SASH1: variants seen among roughly 807,000 people sequenced by gnomAD.
The protein encoded by SASH1 is SAM and SH3 domain-containing protein 1.
A neutral mutation model predicts 125.2 loss-of-function variants in SASH1; 44 were observed. That is an observed-to-expected ratio of 0.35 (90% CI 0.28 to 0.45). The LOEUF is 0.45. SASH1 is among the 20% of genes least tolerant of loss of function. The pLI is 1.00. For missense variants in SASH1, 1,426 were observed against 1,614.5 expected, an observed-to-expected ratio of 0.88 and a Z score of 2.00; for synonymous variants, 639 against 649.1, an observed-to-expected ratio of 0.98 and a Z score of 0.24.
chr6:148,267,399 G>GTGT (rs55909678), upstream of SASH1, among the ~76,000 whole-genome samples: 1 of 142,074 alleles, frequency 7.0e-6, no homozygotes, highest in Non-Finnish European at 1.6e-5. Flanking sequence ...GTGTGTGTGA[G>GTGT]ATGGAGTCTC....
intron 1 of SASH1, among the ~76,000 whole-genome samples, chr6:148,360,845 A>AT (rs1214323474): frequency 3.9e-5 from 6 of 151,940 alleles, no homozygotes; most frequent in South Asian, 4.2e-4. Flanking sequence ...TTGTGGGTTG[A>AT]TTTTTTTTCC....
intron 12 of SASH1, among the ~76,000 whole-genome samples, chr6:148,530,356 A>G (rs1210713894): frequency 6.6e-6 from 1 of 152,202 alleles, no homozygotes; most frequent in Non-Finnish European, 1.5e-5. Context: ...TTTAATGGGA[A>G]AAAAGTTACT....
intron 1 of SASH1, among the ~76,000 whole-genome samples, chr6:148,361,673 C>A (rs1229219148): frequency 6.6e-6 from 1 of 152,030 alleles, no homozygotes; most frequent in Admixed American, 6.6e-5. Flanking sequence ...CAGCCCTACA[C>A]CTTGGCCAGT....
intron 1 of SASH1, among the ~76,000 whole-genome samples, chr6:148,293,570 G>A (rs903027363): frequency 2.6e-5 from 4 of 152,172 alleles, no homozygotes; most frequent in Admixed American, 2.0e-4. Context: ...CCCAGGCAGC[G>A]TGGGCAGAGT....
intron 4 of SASH1, among the ~76,000 whole-genome samples, chr6:148,449,074 A>AGTTCTTTTTTTTTTTT (rs1776949754): frequency 3.1e-5 from 1 of 32,746 alleles, no homozygotes; most frequent in African/African-American, 1.3e-4. Context: ...ATTTCATTTC[A>AGTTCTTTTTTTTTTTT]TTTCTTTTTT....
chr6:148,386,372 G>C (rs1783369159), intron 1 of SASH1, among the ~76,000 whole-genome samples: 1 of 152,194 alleles, frequency 6.6e-6, no homozygotes, highest in Non-Finnish European at 1.5e-5. Flanking sequence ...GTCTTGGTTA[G>C]TCCAAGACGA....
chr6:148,440,488 A>G (rs1019506339), intron 4 of SASH1, 81 bp downstream of exon 4: 1 of 1,169,346 alleles, frequency 8.6e-7, no homozygotes, highest in Admixed American at 1.7e-5. Context: ...CAAACAGGCG[A>G]TCATGTGCGT....
At chr6:148,445,279 G>A (rs964109035) in intron 4 of SASH1, among the ~76,000 whole-genome samples, 3 of 152,116 alleles carry the variant, frequency 2.0e-5, no homozygotes, top group Non-Finnish European at 2.9e-5. Flanking sequence ...AGCCCAGCAG[G>A]TCTCAGCCTT....
At chr6:148,398,560 G>A (rs1400376351) in intron 2 of SASH1, among the ~76,000 whole-genome samples, 1 of 152,182 alleles carries the variant, frequency 6.6e-6, no homozygotes, top group Admixed American at 6.5e-5. Flanking sequence ...TAGAAACACA[G>A]AAGACTTATG....
Position 148,471,412 on chromosome 6 carries a change from T to TG in SASH1, c.428-5_428-4insG. 1 of 1,098,574 alleles carries TG rather than the reference T, an allele frequency of 9.1e-7. No homozygotes were observed. The allele number at this position is 1,098,574 out of a possible 1,614,324, so 68.1% of individuals were successfully genotyped here. Reference sequence around the variant, plus strand: ...TTTTTTTTTTTTTTTTTTTTTTTTTTTAAGGAAAAGGAGACTGGAAGAAGA... The same window carrying TG: ...TTTTTTTTTTTTTTTTTTTTTTTTTTGTAAGGAAAAGGAGACTGGAAGAAGA... On this transcript the variant is annotated splice_region_variant and splice_polypyrimidine_tract_variant and intron_variant, in intron 5 of 19. Transcript: ENST00000367467.
At chr6:148,257,997 C>A in the SASH1 span, among the ~76,000 whole-genome samples, 1 of 152,130 alleles carries the variant, frequency 6.6e-6, no homozygotes, top group Non-Finnish European at 1.5e-5. Context: ...TACTTTTATA[C>A]CTGCACTCCC....
At position 148,468,746 on chromosome 6, in the gene SASH1, TA is replaced by T. The variant is rs576009342; in HGVS notation, c.427+168del. ...TTATTCTCCTTTTTCTAGGCAGTTTTAAAAAAATATAATTGTGATCATATTC... is the reference window on the plus strand; with the variant it reads ...TTATTCTCCTTTTTCTAGGCAGTTTTAAAAAATATAATTGTGATCATATTC... On this transcript the variant is annotated intron_variant, in intron 5 of 19. Transcript: ENST00000367467. The T allele has an allele frequency of 5.8e-4, 315 of 540,662 alleles. 1 individual carries two copies. In the East Asian group the frequency reaches 9.5e-3, roughly 16 times the overall value. 33.5% of individuals were successfully genotyped at this position (540,662 alleles called of 1,614,324 possible). A position where few individuals can be genotyped will look rare whatever the true frequency, so the allele number is the denominator to read the frequency against.
intron 8 of SASH1, among the ~76,000 whole-genome samples, chr6:148,501,323 C>T (rs1176689777): frequency 2.0e-5 from 3 of 152,198 alleles, no homozygotes; most frequent in Non-Finnish European, 4.4e-5. Flanking sequence ...ACCACCCAAT[C>T]CCTTAGGAGA....
the SASH1 span, among the ~76,000 whole-genome samples, chr6:148,243,057 T>C: frequency 2.0e-5 from 3 of 152,222 alleles, no homozygotes; most frequent in Admixed American, 2.0e-4. Context: ...GGCTCCCGCC[T>C]GTAATCCCAG....
chr6:148,293,754 T>C (rs560933025), intron 1 of SASH1, among the ~76,000 whole-genome samples: 14 of 152,174 alleles, frequency 9.2e-5, no homozygotes, highest in Non-Finnish European at 1.8e-4. Context: ...TAGCTAGAGC[T>C]TTCCCCAAGG....
In SASH1 at chr6:148,519,482, T is replaced by C. The variant is rs1780661559; in HGVS notation, c.863-65T>C. The C allele has an allele frequency of 8.2e-7, 1 of 1,218,664 alleles. No homozygotes were observed. Among genetic ancestry groups the C allele is most frequent in the Non-Finnish European group, 1.2e-6 (1 of 847,182 alleles). 75.5% of individuals were successfully genotyped at this position (1,218,664 alleles called of 1,614,324 possible). A position where few individuals can be genotyped will look rare whatever the true frequency, so the allele number is the denominator to read the frequency against. On this transcript the variant is annotated intron_variant, in intron 9 of 19. Coordinates refer to ENST00000367467, the MANE Select transcript of SASH1 (RefSeq NM_015278.5). This position sits in a 1 kb window ranked among gnomAD's most constrained non-coding sequence, Gnocchi z 4.8. Reference sequence around the variant, plus strand: ...ATGATACGGAGAAAGGTGGTGAATGTAAAGAAAGATGTATGCAAGAATGCA... The same window carrying C: ...ATGATACGGAGAAAGGTGGTGAATGCAAAGAAAGATGTATGCAAGAATGCA...
intron 12 of SASH1, among the ~76,000 whole-genome samples, chr6:148,531,100 G>T (rs1334204531): frequency 6.6e-6 from 1 of 151,962 alleles, no homozygotes; most frequent in Non-Finnish European, 1.5e-5. Context: ...TTTTAAAAGT[G>T]CATGTTTCCT....
the SASH1 span, among the ~76,000 whole-genome samples, chr6:148,246,683 C>G: frequency 6.6e-6 from 1 of 152,308 alleles, no homozygotes; most frequent in African/African-American, 2.4e-5. Flanking sequence ...CAGTCAGGTT[C>G]ATAATTTATC....
intron 2 of SASH1, among the ~76,000 whole-genome samples, chr6:148,414,884 TCCAC>T (rs1309278635): frequency 6.6e-6 from 1 of 152,124 alleles, no homozygotes; most frequent in African/African-American, 2.4e-5. Context: ...CCTTAAGTGA[TCCAC>T]CCACCTCGGC....
Sources: allele counts gnomAD v4.1 joint callset (sites outside exome capture counted in the v4.1 genomes callset), GRCh38; gene constraint gnomAD v4.1.1; non-coding constraint Gnocchi (gnomAD v3.1); transcripts MANE v1.5; gene names NCBI Gene and HGNC (gene_info 2026-07-23, HGNC 2026-07-21).